ATP1B3: variants seen among roughly 807,000 people sequenced by gnomAD.
ATP1B3 encodes the protein ATPase Na+/K+ transporting subunit beta 3.
Under a neutral mutation model 30.2 loss-of-function variants are expected in ATP1B3, and 10 were observed. The observed-to-expected ratio is 0.33, with a 90% confidence interval of 0.20 to 0.56. The LOEUF is 0.56. ATP1B3 is among the 20% of genes least tolerant of loss of function. ATP1B3 has a pLI of 0.90. For missense variants in ATP1B3, 238 were observed against 336.7 expected (o/e 0.71, Z 2.29); for synonymous variants, 113 against 117.0 (o/e 0.97, Z 0.22).
intron 5 of ATP1B3, among the ~76,000 whole-genome samples, chr3:141,920,921 G>A (rs370879326): frequency 2.6e-5 from 4 of 152,136 alleles, no homozygotes; most frequent in African/African-American, 7.2e-5. Context: ...CTGTCTGGCC[G>A]GTGCCTTTCA....
chr3:141,923,859 G>A (rs980768200), intron 6 of ATP1B3, among the ~76,000 whole-genome samples: 1 of 152,186 alleles, frequency 6.6e-6, no homozygotes, highest in African/African-American at 2.4e-5. Context: ...TTAAATATAG[G>A]TTGTGCATTT....
chr3:141,923,710 C>A (rs1429515268), intron 6 of ATP1B3, among the ~76,000 whole-genome samples: 4 of 152,360 alleles, frequency 2.6e-5, no homozygotes, highest in Admixed American at 2.0e-4. Context: ...CCAGATGTCA[C>A]ACTGTTAACA....
chr3:141,885,573 C>T (rs1012884224), intron 1 of ATP1B3, among the ~76,000 whole-genome samples: 2 of 152,044 alleles, frequency 1.3e-5, no homozygotes, highest in East Asian at 1.9e-4. Context: ...CTTAGCCTCC[C>T]GAGTAGCTGG....
At chr3:141,885,446 TTTTTTC>T (rs1242198123) in intron 1 of ATP1B3, among the ~76,000 whole-genome samples, 3 of 145,662 alleles carry the variant, frequency 2.1e-5, no homozygotes, top group African/African-American at 8.5e-5. Context: ...TTTCTTTTCT[TTTTTTC>T]TTTTTTTGTT....
At chr3:141,913,576 C>T in intron 3 of ATP1B3, 76 bp from the exon 4 acceptor site, 5 of 1,230,644 alleles carry the variant, frequency 4.1e-6, no homozygotes, top group African/African-American at 3.1e-5. Context: ...GAACATTTTC[C>T]AAAGGTTAAT....
Position 141,925,743 on chromosome 3 carries a change from G to T in ATP1B3, c.*42G>T, listed in dbSNP as rs1489073870. On this transcript the variant is annotated 3_prime_UTR_variant, in exon 7 of 7. Transcript: ENST00000286371. Reference sequence around the variant, plus strand: ...CCACAGAGTAAATGTTGTGTTGTCTGTCTTCATTTTGTAACAGCTGGACCT... The same window carrying T: ...CCACAGAGTAAATGTTGTGTTGTCTTTCTTCATTTTGTAACAGCTGGACCT... 6.3e-7 allele frequency: 1 copy of T among 1,579,216 alleles called. No homozygotes were observed. Among genetic ancestry groups the T allele is most frequent in the Non-Finnish European group, 8.6e-7 (1 of 1,164,182 alleles).
intron 1 of ATP1B3, among the ~76,000 whole-genome samples, chr3:141,882,551 C>T (rs547802510): frequency 6.6e-6 from 1 of 152,176 alleles, no homozygotes; most frequent in South Asian, 2.1e-4. Context: ...TCTGTTGGGA[C>T]TCCCAAAGCT....
chr3:141,893,707 T>C (rs1934004532), intron 1 of ATP1B3, among the ~76,000 whole-genome samples: 1 of 152,234 alleles, frequency 6.6e-6, no homozygotes, highest in Non-Finnish European at 1.5e-5. Flanking sequence ...TGTGTGCATA[T>C]GCTGTATTCA....
chr3:141,895,295 TCTC>T (rs1187405029), intron 1 of ATP1B3, among the ~76,000 whole-genome samples: 3 of 151,570 alleles, frequency 2.0e-5, no homozygotes, highest in Admixed American at 6.6e-5. Context: ...TTCAAGCAAT[TCTC>T]CTGCCTCAGC....
chr3:141,889,460 T>C lies in ATP1B3; in HGVS notation c.109+12550T>C, dbSNP rs1408678657. ...AATATATTGTTCTGAGTGGGCACAA[T>C]AGCTCATGCCTGTGATCCCAGCACT... is the stretch of plus-strand genomic sequence containing the variant. On this transcript the variant is annotated intron_variant, in intron 1 of 6. Coordinates refer to ENST00000286371, the MANE Select transcript of ATP1B3 (RefSeq NM_001679.4). Among the ~76,000 whole-genome samples the C allele has an allele frequency of 5.9e-5, 9 of 152,160 alleles. No individual in the cohort carries two copies. The South Asian group carries it at 1.7e-3, about 28-fold the overall frequency.
chr3:141,922,095 A>G (rs758900075), intron 6 of ATP1B3, 32 bp downstream of exon 6: 2 of 1,329,004 alleles, frequency 1.5e-6, no homozygotes, highest in South Asian at 2.6e-5. Context: ...TGTGGTGATT[A>G]CTCTTTTGGG....
intron 1 of ATP1B3, among the ~76,000 whole-genome samples, chr3:141,900,926 G>C (rs1934150111): frequency 6.6e-6 from 1 of 152,142 alleles, no homozygotes; most frequent in African/African-American, 2.4e-5. Context: ...GGAATTACAG[G>C]AGTGCACCAC....
At chr3:141,914,396 T>C (rs564366132) in intron 4 of ATP1B3, among the ~76,000 whole-genome samples, 1 of 152,300 alleles carries the variant, frequency 6.6e-6, no homozygotes, top group East Asian at 1.9e-4. Context: ...TTTTGCTGTT[T>C]TACAGAAGGG....
At chr3:141,877,166 C>T (rs1413056593) in intron 1 of ATP1B3, among the ~76,000 whole-genome samples, 4 of 151,226 alleles carry the variant, frequency 2.6e-5, no homozygotes, top group South Asian at 2.1e-4. Context: ...TCCCTCCCTG[C>T]TGGGAGCGGG....
intron 6 of ATP1B3, 51 bp from the exon 7 acceptor site, chr3:141,925,480 G>A (rs1201099537): frequency 3.3e-6 from 5 of 1,532,268 alleles, no homozygotes; most frequent in Admixed American, 2.1e-5. Flanking sequence ...GTAGAGAGAA[G>A]TATTAAGTTT....
Position 141,913,668 on chromosome 3 carries a change from A to T in ATP1B3, c.363A>T (p.Glu121Asp), listed in dbSNP as rs770430482. 2 of 1,611,234 alleles carry T rather than the reference A, an allele frequency of 1.2e-6. No homozygotes were observed. The highest frequency in any genetic ancestry group is 2.2e-5 in the South Asian group (2 of 90,624). ...CCTTTTTAGCATATACTTTAGAAGA[A>T]CAGAAGAACCTCACAGTCTGTCCTG... ...KKFLKPYTLE[E>D]QKNLTVCPDG... Residue 121 changes from glutamate (E) to aspartate (D), a missense_variant, in exon 4 of 7, where the codon GAA (glutamate) becomes GAT (aspartate). Transcript: ENST00000286371.
rs1553743809 is a variant in ATP1B3, at chr3:141,889,754, TATAC to T, written c.109+12846_109+12849del. Among the ~76,000 whole-genome samples the T allele has an allele frequency of 3.3e-3, 250 of 75,020 alleles. 14 individuals carry two copies. The highest frequency in any genetic ancestry group is 6.3e-3 in the Middle Eastern group (1 of 160). 49.2% of individuals were successfully genotyped at this position (75,020 alleles called of 152,430 possible). A position where few individuals can be genotyped will look rare whatever the true frequency, so the allele number is the denominator to read the frequency against. On this transcript the variant is annotated intron_variant, in intron 1 of 6. Coordinates refer to ENST00000286371, the MANE Select transcript of ATP1B3 (RefSeq NM_001679.4). ...AAAAAAAAAAAAAAAAAAAAAAATA[TATAC>T]ACACACACACACACACACACACACA...
chr3:141,882,875 C>T (rs1288106558), intron 1 of ATP1B3, among the ~76,000 whole-genome samples: 4 of 152,162 alleles, frequency 2.6e-5, no homozygotes, highest in East Asian at 3.9e-4. Flanking sequence ...CGTGAGCCAC[C>T]GCGCCCGGCC....
At chr3:141,915,931 T>TA (rs1559873085) in intron 4 of ATP1B3, 39 bp from the exon 5 acceptor site, 2 of 1,544,066 alleles carry the variant, frequency 1.3e-6, no homozygotes, top group African/African-American at 2.7e-5. Context: ...ATTGCATACT[T>TA]ACGTGAAGTT....
Sources: gnomAD v4.1 joint callset for allele counts (sites outside exome capture counted in the v4.1 genomes callset) on GRCh38, gnomAD v4.1.1 for gene constraint, MANE v1.5 for transcripts, NCBI Gene and HGNC (gene_info 2026-07-23, HGNC 2026-07-21) for gene names.